Variants in KLHL1 observed in about 807,000 individuals in gnomAD.
KLHL1 encodes kelch-like protein 1.
In KLHL1, 47 loss-of-function variants were observed where a neutral mutation model predicts 77.7. The observed-to-expected ratio is 0.60, with a 90% CI of 0.48 to 0.77. The LOEUF is 0.77. KLHL1 is among the 30% of genes least tolerant of loss of function. The probability of loss-of-function intolerance (pLI) is 0.00; values close to 1 mark genes in which losing one functional copy is unlikely to be tolerated. For missense variants in KLHL1, 925 were observed against 910.8 expected, an observed-to-expected ratio of 1.02 and a Z score of -0.20; for synonymous variants, 360 against 325.2, an observed-to-expected ratio of 1.11 and a Z score of -1.15.
intron 1 of KLHL1, among the ~76,000 whole-genome samples, chr13:69,998,613 C>T (rs115848993): frequency 1.7e-3 from 251 of 152,120 alleles, no homozygotes; most frequent in African/African-American, 5.8e-3. Flanking sequence ...TGTTTCATCA[C>T]TTCTACCTCA....
At chr13:69,863,392 T>G in intron 5 of KLHL1, among the ~76,000 whole-genome samples, 1 of 73,266 alleles carries the variant, frequency 1.4e-5, no homozygotes, top group South Asian at 3.7e-4. Flanking sequence ...TAAAACAAAA[T>G]ATTAAGGTCT....
At chr13:69,777,344 G>C (rs1172160790) in intron 7 of KLHL1, among the ~76,000 whole-genome samples, 3 of 152,172 alleles carry the variant, frequency 2.0e-5, no homozygotes, top group East Asian at 1.9e-4. Context: ...CTAACTTTAA[G>C]TATATAGGGC....
intron 1 of KLHL1, among the ~76,000 whole-genome samples, chr13:70,065,741 T>A (rs1263773091): frequency 1.3e-5 from 2 of 152,116 alleles, no homozygotes; most frequent in Non-Finnish European, 2.9e-5. Context: ...CATTTGCAGT[T>A]TTACTTTAAT....
At chr13:69,797,915 A>C (rs1877196318) in intron 6 of KLHL1, among the ~76,000 whole-genome samples, 1 of 152,142 alleles carries the variant, frequency 6.6e-6, no homozygotes, top group South Asian at 2.1e-4. Context: ...AGAATCTCTA[A>C]ATAATATAGC....
rs1593833127 is a variant in KLHL1, at chr13:69,788,424, C to T, written c.1639+8314G>A. On this transcript the variant is annotated intron_variant, in intron 7 of 10. Transcript: ENST00000377844. ...ACTATCACAAGGACAAAAAACCAAA[C>T]ACCACATGTTCTCACTCATAGGTGG... 2.6e-5 allele frequency among the ~76,000 whole-genome samples: 4 copies of T among 152,180 alleles called. No individual in the cohort carries two copies. The South Asian group carries it at 8.3e-4, about 32-fold the overall frequency.
chr13:69,936,416 T>C (rs112864168), intron 4 of KLHL1, among the ~76,000 whole-genome samples: 7,547 of 124,292 alleles, frequency 0.061, 444 homozygotes, highest in African/African-American at 0.15. Flanking sequence ...AGGTGAAACC[T>C]CGTCTCTACT....
chr13:69,955,994 TTGATATA>T (rs1883860934), intron 3 of KLHL1, among the ~76,000 whole-genome samples: 1 of 135,876 alleles, frequency 7.4e-6, no homozygotes, highest in Admixed American at 7.8e-5. Context: ...ATATATTTAT[TTGATATA>T]TATTTATATA....
At chr13:69,733,925 A>G (rs1349720490) in intron 8 of KLHL1, among the ~76,000 whole-genome samples, 1 of 152,158 alleles carries the variant, frequency 6.6e-6, no homozygotes, top group African/African-American at 2.4e-5. Context: ...TTAATAGTCA[A>G]GAAGAGGAAA....
chr13:69,852,904 C>T (rs902193724), intron 5 of KLHL1, among the ~76,000 whole-genome samples: 1 of 151,894 alleles, frequency 6.6e-6, no homozygotes, highest in African/African-American at 2.4e-5. Flanking sequence ...ATACCAAAGG[C>T]ATTAATAGAA....
intron 5 of KLHL1, among the ~76,000 whole-genome samples, chr13:69,869,068 T>C (rs561674599): frequency 1.3e-5 from 2 of 152,090 alleles, no homozygotes; most frequent in African/African-American, 4.8e-5. Flanking sequence ...ATATCGGGGG[T>C]GAACTTCACT....
chr13:69,871,317 A>C (rs946173590), intron 5 of KLHL1, among the ~76,000 whole-genome samples: 2 of 152,120 alleles, frequency 1.3e-5, no homozygotes, highest in Non-Finnish European at 2.9e-5. Flanking sequence ...CCATTCTGTC[A>C]TTCTAGGCCT....
chr13:70,006,940 T>TA (rs1215964207), intron 1 of KLHL1, among the ~76,000 whole-genome samples: 1 of 152,066 alleles, frequency 6.6e-6, no homozygotes, highest in Non-Finnish European at 1.5e-5. Context: ...ATTTTGTTTT[T>TA]ATATCAAAAT....
At chr13:69,874,608 A>T (rs1462870923) in intron 5 of KLHL1, among the ~76,000 whole-genome samples, 3 of 152,122 alleles carry the variant, frequency 2.0e-5, no homozygotes, top group Non-Finnish European at 4.4e-5. Context: ...TTTAATATAA[A>T]ATATAGATGA....
In KLHL1 at chr13:69,922,118, C is replaced by CT. The variant is rs200732755; in HGVS notation, c.1014+17921dup. Among the ~76,000 whole-genome samples the CT allele has an allele frequency of 1.1e-3, 164 of 151,388 alleles. 1 individual carries two copies. The highest frequency in any genetic ancestry group is 7.2e-3 in the East Asian group (37 of 5,146). ...TAAGTTTTAAAATTTATTTGCCTTCCTTTTTTTTAATATAAAGAATATCTC... is the reference window on the plus strand; with the variant it reads ...TAAGTTTTAAAATTTATTTGCCTTCCTTTTTTTTTAATATAAAGAATATCTC... On this transcript the variant is annotated intron_variant, in intron 4 of 10. Transcript: ENST00000377844.
At chr13:70,038,106 A>G (rs141238670) in intron 1 of KLHL1, among the ~76,000 whole-genome samples, 6 of 152,172 alleles carry the variant, frequency 3.9e-5, no homozygotes, top group African/African-American at 1.4e-4. Flanking sequence ...CTTGTTTTCC[A>G]TCTTCACGTT....
At chr13:69,873,726 C>T (rs906797185) in intron 5 of KLHL1, among the ~76,000 whole-genome samples, 4 of 152,066 alleles carry the variant, frequency 2.6e-5, no homozygotes, top group Admixed American at 1.3e-4. Context: ...CAAACCTGCA[C>T]GTTCTGCATA....
intron 7 of KLHL1, among the ~76,000 whole-genome samples, chr13:69,791,744 A>G (rs1186366832): frequency 2.6e-5 from 4 of 152,176 alleles, no homozygotes; most frequent in African/African-American, 9.6e-5. Context: ...TAGAACTGCT[A>G]TCTCATGACA....
In KLHL1 at chr13:70,107,723, G is replaced by A. The variant is rs530631519; in HGVS notation, c.-24C>T. On this transcript the variant is annotated 5_prime_UTR_variant, in exon 1 of 11. Coordinates refer to ENST00000377844, the MANE Select transcript of KLHL1 (RefSeq NM_020866.3). ...ATGCTTTACGCACAGAAGGCAAAAG[G>A]CTGGCAGCTCACGCAGGAGTAGGCT... 5 of 1,498,170 alleles carry A rather than the reference G, an allele frequency of 3.3e-6. No individual in the cohort carries two copies. The South Asian group carries it at 6.7e-5, about 20-fold the overall frequency. 92.8% of individuals were successfully genotyped at this position (1,498,170 alleles called of 1,614,324 possible).
intron 7 of KLHL1, among the ~76,000 whole-genome samples, chr13:69,777,715 CTAAT>C (rs1338692587): frequency 2.0e-5 from 3 of 151,982 alleles, no homozygotes; most frequent in Non-Finnish European, 1.5e-5. Flanking sequence ...GAAATCATTC[CTAAT>C]TAATTATCTA....
Sources: gnomAD v4.1 joint callset for allele counts (sites outside exome capture counted in the v4.1 genomes callset) on GRCh38, gnomAD v4.1.1 for gene constraint, MANE v1.5 for transcripts, NCBI Gene and HGNC (gene_info 2026-07-23, HGNC 2026-07-21) for gene names.